ADAMTS13: variants seen among roughly 807,000 people sequenced by gnomAD.
ADAMTS13 encodes A disintegrin and metalloproteinase with thrombospondin motifs 13.
A neutral mutation model predicts 155.1 loss-of-function variants in ADAMTS13; 110 were observed. That is an observed-to-expected ratio of 0.71 (90% CI 0.61 to 0.83). The LOEUF is 0.83. ADAMTS13 is among the 40% of genes least tolerant of loss of function. ADAMTS13 has a pLI of 0.00. For synonymous variants in ADAMTS13, 758 were observed against 756.4 expected (o/e 1.00, Z -0.03); for missense variants, 1,707 against 1,891.7 (o/e 0.90, Z 1.81).
intron 22 of ADAMTS13, among the ~76,000 whole-genome samples, chr9:133,448,974 CAG>C (rs982566453): frequency 5.1e-4 from 78 of 152,334 alleles, no homozygotes; most frequent in African/African-American, 1.6e-3. Context: ...CCCAAGGAGA[CAG>C]GGGGTGCTAG....
chr9:133,432,981 CG>C (rs5901016), intron 9 of ADAMTS13, among the ~76,000 whole-genome samples: 31,409 of 145,444 alleles, frequency 0.22, 4,876 homozygotes, highest in African/African-American at 0.45. Context: ...TGGGGTGTCT[CG>C]GGGGGGATCC....
Position 133,442,747 on chromosome 9 carries a change from AGT to A in ADAMTS13, c.2234+8_2234+9del. On this transcript the variant is annotated splice_donor_5th_base_variant and intron_variant, in intron 18 of 28. Transcript: ENST00000355699. ...TGCTCGAACCCTGCCCTCCCTAGTG[AGT>A]GTGGTGCTGTCTGCGCAGCTCCAAG... 1 of 1,612,052 alleles carries A rather than the reference AGT, an allele frequency of 6.2e-7. No individual in the cohort carries two copies. Among genetic ancestry groups the A allele is most frequent in the Non-Finnish European group, 8.5e-7 (1 of 1,179,820 alleles).
At chr9:133,433,757 G>A (rs1840968292) in intron 11 of ADAMTS13, 53 bp downstream of exon 11, 2 of 1,596,356 alleles carry the variant, frequency 1.3e-6, no homozygotes, top group Non-Finnish European at 1.7e-6. Flanking sequence ...CGGGCCCTGG[G>A]GGAGCCAAAG....
In ADAMTS13 at chr9:133,456,325, A is replaced by G; in HGVS notation, c.3547+110A>G. On this transcript the variant is annotated intron_variant, in intron 26 of 28. Coordinates refer to ENST00000355699, the MANE Select transcript of ADAMTS13 (RefSeq NM_139027.6). This position sits in a 1 kb window ranked among gnomAD's most constrained non-coding sequence, Gnocchi z 4.4. ...GGAGCCCATGTGCATTCCCACCTGT[A>G]GTTTGCATCCCATCTCATGACTGGG... 1 of 1,536,960 alleles carries G rather than the reference A, an allele frequency of 6.5e-7. No homozygotes were observed. Among genetic ancestry groups the G allele is most frequent in the South Asian group, 1.1e-5 (1 of 86,992 alleles).
intron 23 of ADAMTS13, among the ~76,000 whole-genome samples, chr9:133,453,262 C>A (rs977671654): frequency 2.6e-5 from 4 of 152,180 alleles, no homozygotes; most frequent in African/African-American, 9.7e-5. Context: ...CGGTGAAACC[C>A]TGTCTCTACT....
In ADAMTS13 at chr9:133,433,721, G is replaced by T. The variant is rs150966117; in HGVS notation, c.1308+17G>T. Reference sequence around the variant, plus strand: ...AACACTCAGGTAGGCCTGCTTCCTGGGGTAGGAGGGGGCAGCTGGTGGCAC... The same window carrying T: ...AACACTCAGGTAGGCCTGCTTCCTGTGGTAGGAGGGGGCAGCTGGTGGCAC... On this transcript the variant is annotated intron_variant, in intron 11 of 28. Coordinates refer to ENST00000355699, the MANE Select transcript of ADAMTS13 (RefSeq NM_139027.6). 1,379 of 1,611,662 alleles carry T rather than the reference G, an allele frequency of 8.6e-4. 14 individuals are homozygous for T. In the African/African-American group the frequency reaches 0.017, roughly 20 times the overall value.
intron 23 of ADAMTS13, among the ~76,000 whole-genome samples, chr9:133,452,599 A>T (rs772980248): frequency 1.5e-4 from 23 of 152,102 alleles, no homozygotes; most frequent in Non-Finnish European, 2.1e-4. Context: ...CATGGTGCTT[A>T]AACTTCACCT....
At chr9:133,437,957 C>T in intron 13 of ADAMTS13, 60 bp downstream of exon 13, 1 of 1,609,264 alleles carries the variant, frequency 6.2e-7, no homozygotes, top group East Asian at 2.2e-5. Context: ...CGGAAGGCTC[C>T]TGGGGGCAGG....
chr9:133,436,778 A>ACCCCCCCCCCCCCCCCCC, intron 11 of ADAMTS13, 51 bp from the exon 12 acceptor site: 1 of 433,948 alleles, frequency 2.3e-6, no homozygotes, highest in Non-Finnish European at 4.6e-6. Context: ...CAGTGACAAC[A>ACCCCCCCCCCCCCCCCCC]CCCGCCCCCC....
chr9:133,448,794 T>C, intron 22 of ADAMTS13, 66 bp downstream of exon 22: 1 of 1,569,398 alleles, frequency 6.4e-7, no homozygotes, highest in Non-Finnish European at 8.6e-7. Flanking sequence ...GAGCCTTGGC[T>C]CCATGCCCGG....
At chr9:133,423,593 C>T (rs1248658306) in intron 2 of ADAMTS13, among the ~76,000 whole-genome samples, 2 of 152,230 alleles carry the variant, frequency 1.3e-5, no homozygotes, top group African/African-American at 4.8e-5. Flanking sequence ...CCCCATTGCC[C>T]ACAGGCCCAT....
Position 133,428,735 on chromosome 9 carries a change from C to A in ADAMTS13, c.788C>A (p.Ser263Tyr), listed in dbSNP as rs281875293. 3 of 1,358,418 alleles carry A rather than the reference C, an allele frequency of 2.2e-6. No homozygotes were observed. Among genetic ancestry groups the A allele is most frequent in the African/African-American group, 1.5e-5 (1 of 65,914 alleles). The allele number at this position is 1,358,418 out of a possible 1,614,324, so 84.1% of individuals were successfully genotyped here. ...GCGCCCCGCGCCGGCCTCGCCTGGT[C>A]CCCCTGCAGCCGCCGGCAGCTGCTG... ...GAAPRAGLAW[S>Y]PCSRRQLLSL... Residue 263 changes from serine (S) to tyrosine (Y), a missense_variant, in exon 7 of 29, where the codon TCC becomes TAC. Physicochemically the swap from Ser to Tyr is moderately radical, Grantham distance 144. Around this residue, in one of 3 missense-constraint regions of ADAMTS13, gnomAD observed 733 missense variants for 749.6 expected, o/e 0.98. Transcript: ENST00000355699.
chr9:133,435,977 C>CTTT (rs781795173), intron 11 of ADAMTS13, among the ~76,000 whole-genome samples: 15 of 128,336 alleles, frequency 1.2e-4, no homozygotes, highest in Non-Finnish European at 1.5e-4. Flanking sequence ...CTTTTCTCTT[C>CTTT]TTTTTTTTTT....
Position 133,445,623 on chromosome 9 carries a change from C to T in ADAMTS13, c.2611-76C>T. 2 of 1,609,164 alleles carry T rather than the reference C, an allele frequency of 1.2e-6. No homozygotes were observed. The highest frequency in any genetic ancestry group is 1.7e-6 in the Non-Finnish European group (2 of 1,178,458). ...CACTTCCTGGTCTCTCTGCTGCTGCCTGAGAAGATCGAGACGGGGATCGCT... is the reference window on the plus strand; with the variant it reads ...CACTTCCTGGTCTCTCTGCTGCTGCTTGAGAAGATCGAGACGGGGATCGCT... On this transcript the variant is annotated intron_variant, in intron 20 of 28. Coordinates refer to ENST00000355699, the MANE Select transcript of ADAMTS13 (RefSeq NM_139027.6). This position sits in a 1 kb window ranked among gnomAD's most constrained non-coding sequence, Gnocchi z 5.0.
At chr9:133,422,639 A>AT in intron 1 of ADAMTS13, 91 bp downstream of exon 1, 11 of 1,308,368 alleles carry the variant, frequency 8.4e-6, no homozygotes, top group South Asian at 1.2e-5. Context: ...CAAATAGCTG[A>AT]CTACATCAGC....
intron 28 of ADAMTS13, among the ~76,000 whole-genome samples, chr9:133,458,722 T>G (rs1554796940): frequency 6.6e-6 from 1 of 152,124 alleles, no homozygotes; most frequent in African/African-American, 2.4e-5. Context: ...GGGAGAACTG[T>G]GTTCTGCAGG....
At chr9:133,432,286 T>G (rs3118671) in intron 8 of ADAMTS13, among the ~76,000 whole-genome samples, 130,715 of 152,224 alleles carry the variant, frequency 0.86, 56,305 homozygotes, top group African/African-American at 0.89. Flanking sequence ...GAAAGAAAAA[T>G]AAATTAAAAC....
At chr9:133,437,507 C>T (rs2130849489) in intron 12 of ADAMTS13, among the ~76,000 whole-genome samples, 1 of 152,334 alleles carries the variant, frequency 6.6e-6, no homozygotes, top group South Asian at 2.1e-4. Context: ...ATCCGCCTGC[C>T]TCGGCTTCCC....
chr9:133,429,466 T>C (rs587770669), intron 7 of ADAMTS13, among the ~76,000 whole-genome samples: 33 of 58,524 alleles, frequency 5.6e-4, no homozygotes, highest in African/African-American at 2.2e-3. Flanking sequence ...CCCCTCCATC[T>C]CAGCCCCCTG....
Sources: gnomAD v4.1 joint callset for allele counts (sites outside exome capture counted in the v4.1 genomes callset) on GRCh38, gnomAD v4.1.1 for gene constraint, gnomAD v4.1.1 regional missense constraint, Gnocchi (gnomAD v3.1) non-coding constraint, MANE v1.5 for transcripts, NCBI Gene and HGNC (gene_info 2026-07-23, HGNC 2026-07-21) for gene names.